TNIK: variants seen among roughly 807,000 people sequenced by gnomAD.
TNIK encodes TRAF2 and NCK interacting kinase, also known as TRAF2 and NCK-interacting protein kinase.
TNIK carries 49 observed loss-of-function variants against 191.3 expected under a neutral mutation model. The observed-to-expected ratio is 0.26, with a 90% CI of 0.20 to 0.32. TNIK has a LOEUF of 0.32. Among genes scored for constraint, TNIK ranks in the 10% least tolerant of loss-of-function variants. The probability of loss-of-function intolerance (pLI) is 1.00; values close to 1 mark genes in which losing one functional copy is unlikely to be tolerated. For missense variants in TNIK, 1,155 were observed against 1,702.3 expected (o/e 0.68, Z 5.66); for synonymous variants, 594 against 600.9 (o/e 0.99, Z 0.17).
In TNIK at chr3:171,311,033, C is replaced by T. The variant is rs142243998; in HGVS notation, c.123+58587G>A. The stretch of plus-strand genomic sequence containing the variant: ...CCCCTGAATCTCAATCTCCACTCAC[C>T]GCTCCTACTCATTAAAATTCTGGTG... On this transcript the variant is annotated intron_variant, in intron 2 of 32. Coordinates refer to ENST00000436636, the MANE Select transcript of TNIK (RefSeq NM_015028.4). 4.7e-3 allele frequency among the ~76,000 whole-genome samples: 713 copies of T among 152,162 alleles called. 3 individuals are homozygous for T. The highest frequency in any genetic ancestry group is 7.4e-3 in the Non-Finnish European group (502 of 67,992).
chr3:171,181,417 G>A (rs1736633362), intron 7 of TNIK, among the ~76,000 whole-genome samples: 1 of 152,202 alleles, frequency 6.6e-6, no homozygotes, highest in Non-Finnish European at 1.5e-5. Flanking sequence ...GGCAGAAATT[G>A]TTTATTGGCT....
intron 2 of TNIK, among the ~76,000 whole-genome samples, chr3:171,343,685 C>A (rs9858146): frequency 0.13 from 20,354 of 152,140 alleles, 1,547 homozygotes; most frequent in African/African-American, 0.19. Flanking sequence ...ATTATTTATA[C>A]CACATCTCAT....
rs1205594322 is a variant in TNIK, at chr3:171,157,517, C to T, written c.1164G>A (p.Leu388=). Residue 388 remains leucine (L), a synonymous_variant, in exon 12 of 33, where the codon CTG becomes CTA. Transcript: ENST00000436636. ...CCTCGATGCGCTTCTGACGCTCGGC[C>T]AGCAGCTGCCGCTTGTGCTCCTCAT... is the stretch of plus-strand genomic sequence containing the variant. ...RENEEHKRQL[L]AERQKRIEEQ... The T allele has an allele frequency of 1.3e-6, 2 of 1,573,816 alleles. No individual in the cohort carries two copies. Among genetic ancestry groups the T allele is most frequent in the Non-Finnish European group, 1.7e-6 (2 of 1,160,014 alleles).
At chr3:171,424,533 C>T (rs780689026) in intron 1 of TNIK, among the ~76,000 whole-genome samples, 1 of 152,084 alleles carries the variant, frequency 6.6e-6, no homozygotes, top group East Asian at 1.9e-4. Flanking sequence ...CACATGCACA[C>T]GGATGTTTAT....
intron 21 of TNIK, among the ~76,000 whole-genome samples, chr3:171,104,279 AAC>A (rs1343980855): frequency 6.6e-6 from 1 of 152,166 alleles, no homozygotes; most frequent in African/African-American, 2.4e-5. Flanking sequence ...ATAGGAAATA[AAC>A]ACAATCTAAT....
At chr3:171,337,141 A>T (rs1158840299) in intron 2 of TNIK, among the ~76,000 whole-genome samples, 2 of 152,266 alleles carry the variant, frequency 1.3e-5, no homozygotes, top group Admixed American at 1.3e-4. Flanking sequence ...GTGCACTAAC[A>T]GGACTCCAGG....
chr3:171,104,508 A>T (rs987988060), intron 21 of TNIK, among the ~76,000 whole-genome samples: 3 of 145,570 alleles, frequency 2.1e-5, no homozygotes, highest in African/African-American at 7.6e-5. Flanking sequence ...AGATTTTTTG[A>T]CTACAGAGTA....
chr3:171,188,640 A>G (rs1737663819), intron 7 of TNIK, 62 bp downstream of exon 7: 2 of 1,585,524 alleles, frequency 1.3e-6, no homozygotes, highest in African/African-American at 2.7e-5. Context: ...GGCATGTAAG[A>G]CTTTATAAGA....
chr3:171,417,506 C>T (rs924232774), intron 1 of TNIK, among the ~76,000 whole-genome samples: 4 of 151,946 alleles, frequency 2.6e-5, no homozygotes, highest in African/African-American at 7.2e-5. Flanking sequence ...AATTGATTCT[C>T]GTATTGTGAA....
intron 1 of TNIK, among the ~76,000 whole-genome samples, chr3:171,450,783 A>C (rs1728082216): frequency 6.6e-6 from 1 of 152,230 alleles, no homozygotes; most frequent in Non-Finnish European, 1.5e-5. Context: ...AATTGCATTC[A>C]CACAATTGAT....
chr3:171,398,047 A>G (rs1577776690), intron 1 of TNIK, among the ~76,000 whole-genome samples: 1 of 152,366 alleles, frequency 6.6e-6, no homozygotes, highest in South Asian at 2.1e-4. Context: ...GAAAGAAAAT[A>G]CAACAGGCTG....
chr3:171,294,881 A>G (rs982236931), intron 2 of TNIK, among the ~76,000 whole-genome samples: 1 of 152,108 alleles, frequency 6.6e-6, no homozygotes, highest in African/African-American at 2.4e-5. Flanking sequence ...AATGCCAATA[A>G]CGCTACTTGG....
intron 1 of TNIK, among the ~76,000 whole-genome samples, chr3:171,411,678 G>C (rs898478810): frequency 6.6e-6 from 1 of 152,102 alleles, no homozygotes; most frequent in African/African-American, 2.4e-5. Flanking sequence ...AGATGAGCAG[G>C]AAAACTTCAG....
chr3:171,369,567 T>C, intron 2 of TNIK, 53 bp downstream of exon 2: 1 of 1,466,006 alleles, frequency 6.8e-7, no homozygotes, highest in South Asian at 1.3e-5. Context: ...CTGCAATTTG[T>C]CATTCATGAA....
chr3:171,214,895 G>T (rs1396451763), intron 3 of TNIK, among the ~76,000 whole-genome samples: 1 of 152,164 alleles, frequency 6.6e-6, no homozygotes, highest in African/African-American at 2.4e-5. Flanking sequence ...ATATAAAGAA[G>T]ATAATATTAT....
intron 19 of TNIK, 23 bp from the exon 20 acceptor site, chr3:171,108,185 CAAGA>C (rs1185564966): frequency 6.6e-7 from 1 of 1,507,496 alleles, no homozygotes; most frequent in Non-Finnish European, 8.9e-7. Context: ...AACAGAGGAC[CAAGA>C]AAGAGATGGC....
chr3:171,146,328 G>A (rs1290424977), intron 12 of TNIK, among the ~76,000 whole-genome samples: 1 of 152,128 alleles, frequency 6.6e-6, no homozygotes, highest in East Asian at 1.9e-4. Flanking sequence ...TTTGGAATGA[G>A]GAAAAGTCAT....
chr3:171,204,616 C>T (rs1239231604), intron 4 of TNIK, among the ~76,000 whole-genome samples: 1 of 152,178 alleles, frequency 6.6e-6, no homozygotes, highest in Non-Finnish European at 1.5e-5. Flanking sequence ...ATAAAACATT[C>T]CCAAAGCACC....
chr3:171,127,535 T>A (rs1268475167), intron 16 of TNIK, among the ~76,000 whole-genome samples: 1 of 152,188 alleles, frequency 6.6e-6, no homozygotes, highest in African/African-American at 2.4e-5. Context: ...TCACTCTGGT[T>A]GTTCTCATCA....
Sources: allele counts gnomAD v4.1 joint callset (sites outside exome capture counted in the v4.1 genomes callset), GRCh38; gene constraint gnomAD v4.1.1; transcripts MANE v1.5; gene names NCBI Gene and HGNC (gene_info 2026-07-23, HGNC 2026-07-21).